The following LRP12 variants were observed in gnomAD, a reference collection of about 807,000 sequenced individuals.
LRP12 encodes the protein low-density lipoprotein receptor-related protein 12.
In LRP12, 14 loss-of-function variants were observed where a neutral mutation model predicts 66.0. The observed-to-expected ratio is 0.21, with a 90% CI of 0.14 to 0.33. The LOEUF (loss-of-function observed/expected upper bound fraction) is 0.33. Ranked by LOEUF, LRP12 falls within the 10% of genes least tolerant of loss-of-function variation. The probability of loss-of-function intolerance (pLI) is 1.00; values close to 1 mark genes in which losing one functional copy is unlikely to be tolerated. For missense variants in LRP12, 889 were observed against 1,053.4 expected (o/e 0.84, Z 2.16); for synonymous variants, 357 against 359.1 (o/e 0.99, Z 0.07).
chr8:104,489,654 A>T lies in LRP12; in HGVS notation c.*1019T>A, dbSNP rs1180472942. ...TTTAAATACAACAAATAAATATGAA[A>T]CCAGCAAAGCAATTTCAAGTTGTAA... On this transcript the variant is annotated 3_prime_UTR_variant, in exon 7 of 7. Transcript: ENST00000276654. The T allele has an allele frequency of 6.6e-6, 1 of 152,158 alleles. No homozygotes were observed. The highest frequency in any genetic ancestry group is 1.5e-5 in the Non-Finnish European group (1 of 68,010). 9.4% of individuals were successfully genotyped at this position (152,158 alleles called of 1,614,324 possible). A position where few individuals can be genotyped will look rare whatever the true frequency, so the allele number is the denominator to read the frequency against.
intron 1 of LRP12, among the ~76,000 whole-genome samples, chr8:104,582,949 A>G (rs559651476): frequency 4.8e-4 from 73 of 152,256 alleles, no homozygotes; most frequent in African/African-American, 1.7e-3. Flanking sequence ...CAAAACCTAC[A>G]GACCTAAGTA....
intron 1 of LRP12, among the ~76,000 whole-genome samples, chr8:104,550,417 ATTT>A (rs1811708584): frequency 1.3e-5 from 2 of 152,110 alleles, no homozygotes; most frequent in African/African-American, 4.8e-5. Context: ...TGTTAGTCCA[ATTT>A]TTACAATAAA....
chr8:104,559,064 C>T (rs910220601), intron 1 of LRP12, among the ~76,000 whole-genome samples: 3 of 152,240 alleles, frequency 2.0e-5, no homozygotes, highest in South Asian at 2.1e-4. Context: ...ACTTAAAGAA[C>T]TACAAGTAGA....
At chr8:104,540,773 C>T (rs183864476) in intron 1 of LRP12, among the ~76,000 whole-genome samples, 90 of 152,314 alleles carry the variant, frequency 5.9e-4, no homozygotes, top group African/African-American at 1.7e-3. Context: ...CTCGCTCTGT[C>T]GCTAGGCTAG....
chr8:104,508,099 G>A (rs1192557309), intron 3 of LRP12: 5 of 152,126 alleles, frequency 3.3e-5, no homozygotes, highest in Admixed American at 3.3e-4. Flanking sequence ...GTGCTACACT[G>A]TCTCTGTGAT....
At chr8:104,580,098 G>A (rs908637437) in intron 1 of LRP12, among the ~76,000 whole-genome samples, 3 of 152,130 alleles carry the variant, frequency 2.0e-5, no homozygotes, top group African/African-American at 4.8e-5. Flanking sequence ...TTAAACTGAC[G>A]AGCTTCTGTC....
intron 1 of LRP12, among the ~76,000 whole-genome samples, chr8:104,583,522 G>A (rs1378191008): frequency 1.3e-5 from 2 of 152,136 alleles, no homozygotes; most frequent in African/African-American, 4.8e-5. Flanking sequence ...TCTGCCCCAT[G>A]TCTGTTTCTT....
intron 1 of LRP12, among the ~76,000 whole-genome samples, chr8:104,564,407 G>A (rs1011906116): frequency 6.6e-6 from 1 of 152,096 alleles, no homozygotes; most frequent in Non-Finnish European, 1.5e-5. Context: ...GGATCTAGAG[G>A]TCATAAATGA....
chr8:104,579,534 C>A (rs187908847), intron 1 of LRP12, among the ~76,000 whole-genome samples: 1 of 152,248 alleles, frequency 6.6e-6, no homozygotes, highest in East Asian at 1.9e-4. Context: ...AATGCTATTC[C>A]TATTAAATGA....
At chr8:104,532,824 C>T (rs1240594096) in intron 1 of LRP12, among the ~76,000 whole-genome samples, 1 of 152,028 alleles carries the variant, frequency 6.6e-6, no homozygotes, top group Non-Finnish European at 1.5e-5. Context: ...TGTAGGAGAA[C>T]AGAATTTGTG....
intron 1 of LRP12, among the ~76,000 whole-genome samples, chr8:104,548,007 A>G (rs2140876532): frequency 8.6e-6 from 1 of 116,420 alleles, no homozygotes; most frequent in East Asian, 2.3e-4. Context: ...TGTATATAAT[A>G]TATAATTGTT....
intron 1 of LRP12, chr8:104,566,178 TG>T: frequency 1.6e-6 from 1 of 643,552 alleles, no homozygotes; most frequent in South Asian, 2.3e-5. Context: ...CAAAGATTCT[TG>T]ATGTTCTTGA....
intron 1 of LRP12, among the ~76,000 whole-genome samples, chr8:104,583,460 C>T (rs568755856): frequency 6.6e-6 from 1 of 152,260 alleles, no homozygotes; most frequent in Non-Finnish European, 1.5e-5. Context: ...TCATAAACGT[C>T]CCTTCATGAA....
At chr8:104,521,672 A>G (rs1344824965) in intron 2 of LRP12, among the ~76,000 whole-genome samples, 3 of 151,746 alleles carry the variant, frequency 2.0e-5, no homozygotes, top group South Asian at 4.1e-4. Context: ...TTCTTTATAT[A>G]AAGGATAGCT....
In LRP12 at chr8:104,491,422, T is replaced by G. The variant is rs887320075; in HGVS notation, c.1831A>C (p.Arg611=). 4.3e-6 allele frequency: 7 copies of G among 1,614,098 alleles called. No homozygotes were observed. The highest frequency in any genetic ancestry group is 5.9e-6 in the Non-Finnish European group (7 of 1,180,016). Residue 611 remains arginine, a synonymous_variant, in exon 7 of 7, where the codon AGA becomes CGA. Coordinates refer to ENST00000276654, the MANE Select transcript of LRP12 (RefSeq NM_013437.5). ...GCCAATGACCCAGAATGACGTGATC[T>G]TGCAAAATTAAAAATACGGTTCCAA... The part of the protein sequence containing the change: ...NIWNRIFNFA[R]SRHSGSLALV...
At chr8:104,504,357 A>G (rs1810873643) in intron 3 of LRP12, 1 of 151,950 alleles carries the variant, frequency 6.6e-6, no homozygotes, top group South Asian at 2.1e-4. Context: ...TGCTACTTTA[A>G]AATTTACCCT....
In LRP12 at chr8:104,498,057, A is replaced by G. The variant is rs1810766413; in HGVS notation, c.495T>C (p.Asn165=). 1.9e-6 allele frequency: 3 copies of G among 1,595,884 alleles called. No individual in the cohort carries two copies. The highest frequency in any genetic ancestry group is 1.7e-4 in the Middle Eastern group (1 of 5,988). Residue 165 remains asparagine, a synonymous_variant, in exon 5 of 7, where the codon AAT becomes AAC. Coordinates refer to ENST00000276654, the MANE Select transcript of LRP12 (RefSeq NM_013437.5). ...CACAACGAAACTGATCACAAGCACA[A>G]TTTGGTTCCTCAGATTTCCCTGTGA... The part of the protein sequence containing the change: ...AYFSGKSEEP[N]CACDQFRCGN...
Sources: allele counts gnomAD v4.1 joint callset (sites outside exome capture counted in the v4.1 genomes callset), GRCh38; gene constraint gnomAD v4.1.1; transcripts MANE v1.5; gene names NCBI Gene and HGNC (gene_info 2026-07-23, HGNC 2026-07-21).